DHX34: variants seen among roughly 807,000 people sequenced by gnomAD.
The protein encoded by DHX34 is DExH-box helicase 34.
In DHX34, 96 loss-of-function variants were observed where a neutral mutation model predicts 111.1. The observed-to-expected ratio is 0.86, with a 90% CI of 0.73 to 1.02. The LOEUF is 1.02. Ranked by LOEUF, DHX34 falls within the 50% of genes least tolerant of loss-of-function variation. The pLI is 0.00. For missense variants in DHX34, 1,560 were observed against 1,579.9 expected, an observed-to-expected ratio of 0.99 and a Z score of 0.21; for synonymous variants, 688 against 670.4, an observed-to-expected ratio of 1.03 and a Z score of -0.41.
intron 9 of DHX34, among the ~76,000 whole-genome samples, chr19:47,374,539 G>C (rs1196385587): frequency 1.3e-5 from 2 of 151,998 alleles, no homozygotes; most frequent in African/African-American, 4.8e-5. Flanking sequence ...CAGACCTGCT[G>C]TTAGGTCCTT....
At chr19:47,375,796 C>T (rs1417656412) in intron 10 of DHX34, 88 bp downstream of exon 10, 3 of 1,553,598 alleles carry the variant, frequency 1.9e-6, no homozygotes, top group African/African-American at 1.4e-5. Context: ...TGGCCCTGTC[C>T]TCATTTCAGG....
chr19:47,373,738 A>C, intron 9 of DHX34, 38 bp downstream of exon 9: 1 of 1,599,720 alleles, frequency 6.3e-7, no homozygotes, highest in South Asian at 1.1e-5. Flanking sequence ...GGCCCCACTC[A>C]GGCAGACGTG....
At chr19:47,370,573 C>A (rs1302770187) in intron 7 of DHX34, among the ~76,000 whole-genome samples, 12 of 152,240 alleles carry the variant, frequency 7.9e-5, no homozygotes, top group Non-Finnish European at 2.9e-5. Context: ...CCATTAAAGC[C>A]CCCATCCTTG....
chr19:47,381,519 CTCTT>C (rs1389862241), intron 16 of DHX34, 195 bp downstream of exon 16: 8 of 731,078 alleles, frequency 1.1e-5, no homozygotes, highest in South Asian at 2.0e-5. Context: ...GGAGCGCCAC[CTCTT>C]TCTGTCTGCC....
chr19:47,350,659 A>G (rs1025940544), intron 1 of DHX34, among the ~76,000 whole-genome samples: 3 of 152,004 alleles, frequency 2.0e-5, no homozygotes, highest in Non-Finnish European at 2.9e-5. Flanking sequence ...ACCTCAGGTG[A>G]TCTGCCTGCC....
intron 12 of DHX34, 191 bp downstream of exon 12, chr19:47,376,751 A>AC: frequency 6.9e-7 from 1 of 1,442,746 alleles, no homozygotes. Context: ...GCTGGGCCTC[A>AC]CCTTCCGCAT....
chr19:47,360,152 G>T lies in DHX34; in HGVS notation c.1375+82G>T, dbSNP rs879142959. On this transcript the variant is annotated intron_variant, in intron 5 of 16. Transcript: ENST00000328771. ...CCGGAGGTGTGCGTGTGTGGCAGGGGCGCACCAGCTTGGATTGGGAAGTAC... is the reference window on the plus strand; with the variant it reads ...CCGGAGGTGTGCGTGTGTGGCAGGGTCGCACCAGCTTGGATTGGGAAGTAC... 4.5e-6 allele frequency: 6 copies of T among 1,346,760 alleles called. No homozygotes were observed. The South Asian group carries it at 5.9e-5, about 13-fold the overall frequency. 83.4% of individuals were successfully genotyped at this position (1,346,760 alleles called of 1,614,324 possible).
chr19:47,380,416 A>C (rs1943907845), intron 14 of DHX34, among the ~76,000 whole-genome samples: 1 of 151,906 alleles, frequency 6.6e-6, no homozygotes, highest in Non-Finnish European at 1.5e-5. Context: ...GGTGGGGAGA[A>C]GGGTACAATC....
chr19:47,359,075 A>G (rs1003170208), intron 4 of DHX34, among the ~76,000 whole-genome samples: 18 of 152,148 alleles, frequency 1.2e-4, no homozygotes, highest in Non-Finnish European at 1.9e-4. Flanking sequence ...TACAGGCCAG[A>G]GATCTGAGGG....
intron 12 of DHX34, 35 bp from the exon 13 acceptor site, chr19:47,377,055 TGGGTGGGCCA>T (rs772373497): frequency 1.8e-5 from 29 of 1,611,746 alleles, no homozygotes; most frequent in East Asian, 8.9e-5. Flanking sequence ...CTGATGGGCC[TGGGTGGGCCA>T]GGGTGGGCCT....
intron 7 of DHX34, among the ~76,000 whole-genome samples, chr19:47,372,391 G>GCAT (rs765414581): frequency 2.9e-4 from 44 of 152,216 alleles, no homozygotes; most frequent in Admixed American, 4.6e-4. Flanking sequence ...AGCCAGGGAA[G>GCAT]CATCAGAGCG....
chr19:47,376,738 C>T (rs1476735177), intron 12 of DHX34, 178 bp downstream of exon 12: 4 of 1,426,892 alleles, frequency 2.8e-6, no homozygotes, highest in Non-Finnish European at 3.7e-6. Context: ...GTGACTCACC[C>T]CTGCTGGGCC....
chr19:47,373,642 G>T lies in DHX34; in HGVS notation c.2006G>T (p.Arg669Leu). Residue 669 changes from arginine to leucine, a missense_variant, in exon 9 of 17, where the codon CGC becomes CTC. Coordinates refer to ENST00000328771, the MANE Select transcript of DHX34 (RefSeq NM_014681.6). ...AGAAACTCTCGCAAGTGGTGCCGCC[G>T]CCGGGGCATAGAGGAGCATCGACTG... ...RSRNSRKWCR[R>L]RGIEEHRLYE... The T allele has an allele frequency of 6.2e-7, 1 of 1,613,972 alleles. No homozygotes were observed. The highest frequency in any genetic ancestry group is 8.5e-7 in the Non-Finnish European group (1 of 1,179,960).
At chr19:47,350,626 G>A (rs527818157) in intron 1 of DHX34, among the ~76,000 whole-genome samples, 29 of 151,892 alleles carry the variant, frequency 1.9e-4, no homozygotes, top group Non-Finnish European at 3.5e-4. Context: ...TTCCATGTTC[G>A]TCAGGCTGGT....
At chr19:47,352,544 A>G (rs112927020) in intron 1 of DHX34, among the ~76,000 whole-genome samples, 2 of 152,164 alleles carry the variant, frequency 1.3e-5, no homozygotes, top group African/African-American at 4.8e-5. Flanking sequence ...GTGTGGTGGC[A>G]TGTGCCTGTA....
chr19:47,362,571 C>G lies in DHX34; in HGVS notation c.1471C>G (p.Arg491Gly). The change falls in exon 6 of 17, where the codon CGG becomes GGG. Residue 491 changes from arginine (R) to glycine (G), a missense_variant. By Grantham distance (125) the Arg-to-Gly change is moderately radical (BLOSUM62 -2). Transcript: ENST00000328771. ...GGCCAGCGCAGAGCAGCGGAAGGGC[C>G]GGGCGGGCCGCACGGGCCCCGGAGT... ...SQASAEQRKG[R>G]AGRTGPGVCF... 1 of 1,613,304 alleles carries G rather than the reference C, an allele frequency of 6.2e-7. No individual in the cohort carries two copies. The highest frequency in any genetic ancestry group is 8.5e-7 in the Non-Finnish European group (1 of 1,179,786).
chr19:47,381,295 G>A lies in DHX34; in HGVS notation c.3269G>A (p.Cys1090Tyr), dbSNP rs1241252133. ...GAGCGCATCGCCCATGAGAACACCT[G>A]CCCCCAGGCCCCACAGGATGGGCCC... ...PLERIAHENT[C>Y]PQAPQDGPPG... Residue 1090 changes from cysteine (C) to tyrosine (Y), a missense_variant, in exon 16 of 17, where the codon TGC becomes TAC. By Grantham distance (194) the Cys-to-Tyr change is radical. Coordinates refer to ENST00000328771, the MANE Select transcript of DHX34 (RefSeq NM_014681.6). 5 of 1,613,718 alleles carry A rather than the reference G, an allele frequency of 3.1e-6. No homozygotes were observed. Among genetic ancestry groups the A allele is most frequent in the African/African-American group, 2.7e-5 (2 of 74,926 alleles).
At chr19:47,381,369 C>T in intron 16 of DHX34, 45 bp downstream of exon 16, 1 of 1,585,998 alleles carries the variant, frequency 6.3e-7, no homozygotes, top group Non-Finnish European at 8.6e-7. Flanking sequence ...GCCCAGCCGT[C>T]TGCCCATCCC....
chr19:47,375,208 G>A, intron 9 of DHX34: 1 of 898,688 alleles, frequency 1.1e-6, no homozygotes, highest in Non-Finnish European at 1.3e-6. Context: ...AGTCAGCAGA[G>A]CCTGGAGCCA....
Sources: allele counts gnomAD v4.1 joint callset (sites outside exome capture counted in the v4.1 genomes callset), GRCh38; gene constraint gnomAD v4.1.1; transcripts MANE v1.5; gene names NCBI Gene and HGNC (gene_info 2026-07-23, HGNC 2026-07-21).